Variants in ADGRB3 observed in about 807,000 individuals in gnomAD.
ADGRB3 encodes the protein brain-specific angiogenesis inhibitor 3.
In ADGRB3, 37 loss-of-function variants were observed where a neutral mutation model predicts 193.4. The ratio of observed to expected loss-of-function variants is 0.19; its 90% CI spans 0.15 to 0.25. The LOEUF (loss-of-function observed/expected upper bound fraction) is 0.25, where lower values mean the gene tolerates loss of function less well. ADGRB3 is among the 10% of genes least tolerant of loss of function. The pLI, the probability that ADGRB3 is intolerant of heterozygous loss-of-function variation, is 1.00. For synonymous variants in ADGRB3, 690 were observed against 644.2 expected, an observed-to-expected ratio of 1.07 and a Z score of -1.08; for missense variants, 1,637 against 1,852.9, an observed-to-expected ratio of 0.88 and a Z score of 2.14.
rs1765480862 is a variant in ADGRB3, at chr6:68,715,866, A to G, written c.757+76434A>G. 1.3e-5 allele frequency among the ~76,000 whole-genome samples: 2 copies of G among 151,768 alleles called. 1 individual carries two copies. The highest frequency in any genetic ancestry group is 4.1e-4 in the South Asian group (2 of 4,824). Reference sequence around the variant, plus strand: ...ACAATGTGCCCCAAAATAAGAGCAGAAATGACTATTGAGCCCACAAATTGC... The same window carrying G: ...ACAATGTGCCCCAAAATAAGAGCAGGAATGACTATTGAGCCCACAAATTGC... On this transcript the variant is annotated intron_variant, in intron 3 of 31. Transcript: ENST00000370598.
chr6:68,852,190 G>A lies in ADGRB3; in HGVS notation c.758-78369G>A, dbSNP rs1489483496. On this transcript the variant is annotated intron_variant, in intron 3 of 31. Transcript: ENST00000370598. ...TCAAATACCACATACTTACAAATAC[G>A]TTTTAATCATGAGTGTCCAGATTTA... Among the ~76,000 whole-genome samples, 6 of 151,660 alleles carry A rather than the reference G, an allele frequency of 4.0e-5. No homozygotes were observed. In the South Asian group the frequency reaches 6.2e-4, roughly 16 times the overall value.
chr6:68,987,530 G>A (rs376755647), intron 10 of ADGRB3, among the ~76,000 whole-genome samples: 3 of 151,962 alleles, frequency 2.0e-5, no homozygotes, highest in East Asian at 1.9e-4. Flanking sequence ...TTAAACATAC[G>A]AACACATTTA....
intron 3 of ADGRB3, among the ~76,000 whole-genome samples, chr6:68,719,472 A>G (rs1765539092): frequency 1.3e-5 from 2 of 151,910 alleles, no homozygotes; most frequent in African/African-American, 4.8e-5. Flanking sequence ...AACAGCATAC[A>G]ATGAGAGTGA....
At chr6:68,954,602 A>C (rs1768018461) in intron 6 of ADGRB3, among the ~76,000 whole-genome samples, 1 of 151,708 alleles carries the variant, frequency 6.6e-6, no homozygotes, top group African/African-American at 2.4e-5. Context: ...ATCCTTCCCA[A>C]CTTCTGTAAT....
intron 12 of ADGRB3, among the ~76,000 whole-genome samples, chr6:69,014,821 CTT>C (rs1311024974): frequency 6.6e-6 from 1 of 151,374 alleles, no homozygotes; most frequent in Non-Finnish European, 1.5e-5. Context: ...CTATTTGACT[CTT>C]GTTAAAAATA....
rs2802695 is a variant in ADGRB3 at position 68,648,829 on chromosome 6, C to T, written c.757+9397C>T. ...ATTTCTATATTTATGTACCTAAACA[C>T]TAATAATTTGTTCTCCAATAAGATG... On this transcript the variant is annotated intron_variant, in intron 3 of 31. Transcript: ENST00000370598. Among the ~76,000 whole-genome samples the T allele has an allele frequency of 9.4e-3, 1,419 of 151,034 alleles. 22 individuals are homozygous for T. Among genetic ancestry groups the T allele is most frequent in the African/African-American group, 0.033 (1,354 of 41,150 alleles).
At chr6:68,662,974 G>T (rs1255605648) in intron 3 of ADGRB3, among the ~76,000 whole-genome samples, 1 of 150,414 alleles carries the variant, frequency 6.6e-6, no homozygotes, top group Non-Finnish European at 1.5e-5. Flanking sequence ...TAAACTTTTT[G>T]GTTAAATAGA....
intron 6 of ADGRB3, among the ~76,000 whole-genome samples, chr6:68,948,495 C>T (rs182202610): frequency 2.2e-3 from 330 of 152,006 alleles, no homozygotes; most frequent in African/African-American, 7.2e-3. Flanking sequence ...ATATATATAC[C>T]CAAAATAAAA....
chr6:69,090,644 A>ATCT (rs1772679465), intron 17 of ADGRB3, among the ~76,000 whole-genome samples: 1 of 152,214 alleles, frequency 6.6e-6, no homozygotes, highest in African/African-American at 2.4e-5. Context: ...TCTGTAGGGG[A>ATCT]AATGTTAGAT....
chr6:69,125,163 A>G (rs1460265648), intron 17 of ADGRB3, among the ~76,000 whole-genome samples: 1 of 152,160 alleles, frequency 6.6e-6, no homozygotes, highest in Non-Finnish European at 1.5e-5. Context: ...CCTTTTGGAC[A>G]GTGTTACCTT....
intron 12 of ADGRB3, among the ~76,000 whole-genome samples, chr6:69,016,314 A>G (rs2785574): frequency 0.96 from 146,392 of 152,004 alleles, 70,689 homozygotes; most frequent in East Asian, 1. Context: ...AGAAGGGAAA[A>G]AAAACACATT....
intron 3 of ADGRB3, among the ~76,000 whole-genome samples, chr6:68,876,123 G>A (rs1765587766): frequency 6.6e-6 from 1 of 151,962 alleles, no homozygotes; most frequent in African/African-American, 2.4e-5. Flanking sequence ...TATGTATTAA[G>A]GATACCAATC....
At chr6:68,712,939 T>G (rs990621910) in intron 3 of ADGRB3, among the ~76,000 whole-genome samples, 2 of 151,942 alleles carry the variant, frequency 1.3e-5, no homozygotes, top group African/African-American at 4.8e-5. Flanking sequence ...ATTTTGGAAC[T>G]TTATAGATTT....
chr6:68,969,092 CTGT>C (rs1768479870), intron 8 of ADGRB3, among the ~76,000 whole-genome samples: 1 of 151,766 alleles, frequency 6.6e-6, no homozygotes, highest in Non-Finnish European at 1.5e-5. Context: ...CTAGATACCA[CTGT>C]AGTTCATTAC....
intron 3 of ADGRB3, among the ~76,000 whole-genome samples, chr6:68,823,926 A>AT (rs34876511): frequency 0.14 from 21,278 of 151,932 alleles, 1,773 homozygotes; most frequent in Middle Eastern, 0.26. Flanking sequence ...CCATTCCGTT[A>AT]TTTTTTCTGA....
chr6:68,811,538 G>A (rs533560160), intron 3 of ADGRB3, among the ~76,000 whole-genome samples: 3 of 151,952 alleles, frequency 2.0e-5, no homozygotes, highest in South Asian at 4.2e-4. Flanking sequence ...GGATGATCTC[G>A]GCTCATTGCA....
intron 29 of ADGRB3, among the ~76,000 whole-genome samples, chr6:69,365,592 A>G (rs1335627480): frequency 6.6e-6 from 1 of 152,064 alleles, no homozygotes; most frequent in African/African-American, 2.4e-5. Flanking sequence ...TTAATAACTG[A>G]TAACAGTTAG....
At chr6:69,135,787 A>G (rs1483932357) in intron 17 of ADGRB3, among the ~76,000 whole-genome samples, 1 of 152,090 alleles carries the variant, frequency 6.6e-6, no homozygotes, top group Non-Finnish European at 1.5e-5. Context: ...AAAACAGACT[A>G]TAGGGATTAT....
At chr6:68,829,634 C>T (rs1767916766) in intron 3 of ADGRB3, among the ~76,000 whole-genome samples, 2 of 152,114 alleles carry the variant, frequency 1.3e-5, no homozygotes, top group South Asian at 4.1e-4. Flanking sequence ...CATATTATTA[C>T]TCAAGGTCCT....
Sources: allele counts gnomAD v4.1 joint callset (sites outside exome capture counted in the v4.1 genomes callset), GRCh38; gene constraint gnomAD v4.1.1; transcripts MANE v1.5; gene names NCBI Gene and HGNC (gene_info 2026-07-23, HGNC 2026-07-21).